Variants in MEGF11 observed in about 807,000 individuals in gnomAD.
MEGF11 encodes the protein multiple epidermal growth factor-like domains protein 11.
Under a neutral mutation model 146.6 loss-of-function variants are expected in MEGF11, and 126 were observed. The observed-to-expected ratio is 0.86, with a 90% confidence interval of 0.74 to 1.00. MEGF11 has a LOEUF of 1.00. MEGF11 is among the 50% of genes least tolerant of loss of function. MEGF11 has a pLI of 0.00. For synonymous variants in MEGF11, 532 were observed against 583.4 expected, an observed-to-expected ratio of 0.91 and a Z score of 1.27; for missense variants, 1,509 against 1,521.2, an observed-to-expected ratio of 0.99 and a Z score of 0.13.
At chr15:66,149,778 C>G (rs890267052) in intron 1 of MEGF11, among the ~76,000 whole-genome samples, 1 of 152,164 alleles carries the variant, frequency 6.6e-6, no homozygotes, top group Admixed American at 6.5e-5. Context: ...AATTATGCCA[C>G]TGATAGAAAT....
chr15:65,943,296 A>C (rs72742828), intron 10 of MEGF11, among the ~76,000 whole-genome samples: 1,758 of 152,278 alleles, frequency 0.012, 12 homozygotes, highest in Non-Finnish European at 0.017. Context: ...GTCATTTTTA[A>C]GTGCCAAAAA....
intron 1 of MEGF11, among the ~76,000 whole-genome samples, chr15:66,215,832 A>G (rs969747840): frequency 6.6e-6 from 1 of 152,232 alleles, no homozygotes; most frequent in Non-Finnish European, 1.5e-5. Context: ...GGAACTAGGA[A>G]TGGCTCCACA....
intron 8 of MEGF11, among the ~76,000 whole-genome samples, chr15:65,970,137 T>TA (rs2081254976): frequency 6.6e-6 from 1 of 152,226 alleles, no homozygotes. Context: ...TGCAAACTGA[T>TA]GCCAGTATCC....
intron 5 of MEGF11, among the ~76,000 whole-genome samples, chr15:66,007,116 C>T (rs1418269154): frequency 1.3e-5 from 2 of 152,210 alleles, no homozygotes; most frequent in Admixed American, 6.5e-5. Flanking sequence ...CGTGCCAGCA[C>T]TGAGTGTGCT....
intron 1 of MEGF11, among the ~76,000 whole-genome samples, chr15:66,227,501 G>A (rs529144271): frequency 1.8e-3 from 270 of 152,116 alleles, no homozygotes; most frequent in African/African-American, 5.6e-3. Flanking sequence ...AAGATCACAC[G>A]GCCAAGTGGG....
chr15:66,049,710 G>A (rs937611910), intron 5 of MEGF11, among the ~76,000 whole-genome samples: 2 of 152,122 alleles, frequency 1.3e-5, no homozygotes, highest in African/African-American at 4.8e-5. Context: ...CCCTCTCTCT[G>A]CTCTGGAAGA....
At chr15:66,096,643 G>A (rs1030143518) in intron 4 of MEGF11, among the ~76,000 whole-genome samples, 2 of 152,220 alleles carry the variant, frequency 1.3e-5, no homozygotes, top group Non-Finnish European at 2.9e-5. Context: ...GGTCAGTGGT[G>A]ACCAGAGACA....
chr15:66,154,776 G>A (rs2141051244), intron 1 of MEGF11, among the ~76,000 whole-genome samples: 1 of 152,308 alleles, frequency 6.6e-6, no homozygotes, highest in South Asian at 2.1e-4. Context: ...GTTGGGCCAG[G>A]AGGTAACCTT....
At chr15:65,962,587 G>A (rs1047601702) in intron 9 of MEGF11, among the ~76,000 whole-genome samples, 9 of 152,212 alleles carry the variant, frequency 5.9e-5, no homozygotes, top group Non-Finnish European at 1.0e-4. Context: ...CTGGGCCAGT[G>A]TACCAAGAGA....
At position 65,976,027 on chromosome 15, in the gene MEGF11, C is replaced by A. The variant is rs535620648; in HGVS notation, c.762+4751G>T. Among the ~76,000 whole-genome samples, 7 of 147,278 alleles carry A rather than the reference C, an allele frequency of 4.8e-5. No homozygotes were observed. In the East Asian group the frequency reaches 1.0e-3, roughly 22 times the overall value. On this transcript the variant is annotated intron_variant, in intron 7 of 25. Coordinates refer to ENST00000395614, the MANE Select transcript of MEGF11 (RefSeq NM_001385028.1). ...CCTGCTGCAATGAGCTGAAGTGTAC[C>A]CCTTCAACATTCCTTTTTTTTTTTT...
chr15:65,926,660 A>G (rs909953595), intron 13 of MEGF11, among the ~76,000 whole-genome samples: 3 of 152,278 alleles, frequency 2.0e-5, no homozygotes, highest in South Asian at 2.1e-4. Flanking sequence ...CTGCATGACA[A>G]ACCTCAGGAC....
chr15:66,192,464 C>T (rs1336596047), intron 1 of MEGF11, among the ~76,000 whole-genome samples: 1 of 129,790 alleles, frequency 7.7e-6, no homozygotes, highest in East Asian at 2.1e-4. Flanking sequence ...AGCAAGACTC[C>T]ATCTCAAAAA....
chr15:66,158,213 G>T (rs1159888763), intron 1 of MEGF11, among the ~76,000 whole-genome samples: 1 of 152,228 alleles, frequency 6.6e-6, no homozygotes. Flanking sequence ...CACTGCTGAG[G>T]ACACCTGCAA....
chr15:65,898,977 G>T (rs765029715), intron 24 of MEGF11, 43 bp from the exon 25 acceptor site: 1 of 1,598,518 alleles, frequency 6.3e-7, no homozygotes, highest in Admixed American at 1.7e-5. Flanking sequence ...AAGAATACAA[G>T]TCTTCATGTT....
intron 5 of MEGF11, among the ~76,000 whole-genome samples, chr15:66,016,769 A>C (rs1185986231): frequency 6.6e-6 from 1 of 152,244 alleles, no homozygotes; most frequent in Non-Finnish European, 1.5e-5. Context: ...TTATAAATAT[A>C]AATTCATTCA....
At chr15:66,149,994 G>T (rs1372147636) in intron 1 of MEGF11, among the ~76,000 whole-genome samples, 2 of 152,174 alleles carry the variant, frequency 1.3e-5, no homozygotes, top group Non-Finnish European at 2.9e-5. Flanking sequence ...TGGACCCCTC[G>T]AGCTGTCCGT....
chr15:65,989,350 G>A (rs28631375), intron 5 of MEGF11, among the ~76,000 whole-genome samples: 4,775 of 152,270 alleles, frequency 0.031, 270 homozygotes, highest in African/African-American at 0.11. Context: ...TTGTACTAAG[G>A]ACTGGGCCAA....
intron 5 of MEGF11, among the ~76,000 whole-genome samples, chr15:66,069,283 T>C (rs2085268884): frequency 6.6e-6 from 1 of 152,210 alleles, no homozygotes. Context: ...ACTTTATATG[T>C]GATGCTTTTC....
Position 65,897,810 on chromosome 15 carries a change from G to T in MEGF11, c.*124C>A. 4.3e-6 allele frequency: 4 copies of T among 927,362 alleles called. No homozygotes were observed. In the South Asian group the frequency reaches 8.5e-5, roughly 20 times the overall value. 57.4% of individuals were successfully genotyped at this position (927,362 alleles called of 1,614,324 possible). ...ACCTGGACGCTCTTCTTTAGTTCCAGGTGAACGTAATAACTAACATGCAGC... is the reference window on the plus strand; with the variant it reads ...ACCTGGACGCTCTTCTTTAGTTCCATGTGAACGTAATAACTAACATGCAGC... On this transcript the variant is annotated 3_prime_UTR_variant, in exon 26 of 26. Coordinates refer to ENST00000395614, the MANE Select transcript of MEGF11 (RefSeq NM_001385028.1).
Sources: gnomAD v4.1 joint callset for allele counts (sites outside exome capture counted in the v4.1 genomes callset) on GRCh38, gnomAD v4.1.1 for gene constraint, MANE v1.5 for transcripts, NCBI Gene and HGNC (gene_info 2026-07-23, HGNC 2026-07-21) for gene names.